MDH2: variants seen among roughly 807,000 people sequenced by gnomAD.
MDH2 encodes the protein malate dehydrogenase, mitochondrial.
MDH2 carries 25 observed loss-of-function variants against 33.6 expected under a neutral mutation model. The ratio of observed to expected loss-of-function variants is 0.74; its 90% confidence interval spans 0.54 to 1.04. MDH2 has a LOEUF of 1.04. MDH2 is among the 50% of genes least tolerant of loss of function. The probability of loss-of-function intolerance (pLI) is 0.00; values close to 1 mark genes in which losing one functional copy is unlikely to be tolerated. For missense variants in MDH2, 432 were observed against 445.0 expected, an observed-to-expected ratio of 0.97 and a Z score of 0.26; for synonymous variants, 193 against 188.7, an observed-to-expected ratio of 1.02 and a Z score of -0.19.
chr7:76,062,673 G>A (rs782306287), intron 5 of MDH2, among the ~76,000 whole-genome samples: 21 of 152,350 alleles, frequency 1.4e-4, no homozygotes, highest in Non-Finnish European at 2.1e-4. Flanking sequence ...CCAGCACTTT[G>A]GGAAGCCAAC....
intron 8 of MDH2, among the ~76,000 whole-genome samples, chr7:76,065,618 T>G (rs574680448): frequency 4.5e-4 from 68 of 151,978 alleles, no homozygotes; most frequent in African/African-American, 1.6e-3. Context: ...TCGGTGCAGG[T>G]GTATGGAATG....
chr7:76,049,602 G>C (rs1797538987), intron 1 of MDH2, among the ~76,000 whole-genome samples: 1 of 152,078 alleles, frequency 6.6e-6, no homozygotes, highest in African/African-American at 2.4e-5. Flanking sequence ...AGAGAGGACA[G>C]GGGTGTCCAG....
At chr7:76,051,353 C>T (rs1797621559) in intron 1 of MDH2, among the ~76,000 whole-genome samples, 1 of 142,768 alleles carries the variant, frequency 7.0e-6, no homozygotes, top group Non-Finnish European at 1.5e-5. Flanking sequence ...CGGAGTTCCG[C>T]TCTTGTTGCC....
intron 5 of MDH2, among the ~76,000 whole-genome samples, chr7:76,060,834 C>T (rs1797926654): frequency 6.6e-6 from 1 of 151,938 alleles, no homozygotes; most frequent in Admixed American, 6.6e-5. Context: ...TTTCTCCTTG[C>T]CCCTGAAAAC....
chr7:76,064,797 C>G lies in MDH2; in HGVS notation c.734-5C>G, dbSNP rs370375376. 1 of 1,613,200 alleles carries G rather than the reference C, an allele frequency of 6.2e-7. No homozygotes were observed. Among genetic ancestry groups the G allele is most frequent in the Non-Finnish European group, 8.5e-7 (1 of 1,179,758 alleles). On this transcript the variant is annotated splice_region_variant and splice_polypyrimidine_tract_variant and intron_variant, in intron 7 of 8. Transcript: ENST00000315758. ...AGCCAGGCTGACCTGTCTGTGCCCC[C>G]CTAGGCTCTGCCACCCTCTCCATGG...
At chr7:76,051,077 G>A (rs1307798699) in intron 1 of MDH2, among the ~76,000 whole-genome samples, 1 of 152,042 alleles carries the variant, frequency 6.6e-6, no homozygotes, top group East Asian at 1.9e-4. Flanking sequence ...TAGAGATGGG[G>A]TTTCGCCATG....
chr7:76,051,054 T>C (rs188902129), intron 1 of MDH2, among the ~76,000 whole-genome samples: 3 of 152,100 alleles, frequency 2.0e-5, no homozygotes, highest in East Asian at 3.9e-4. Flanking sequence ...CTAATTTTTT[T>C]TTGTATTTTC....
At chr7:76,050,592 C>T (rs917939231) in intron 1 of MDH2, among the ~76,000 whole-genome samples, 5 of 152,090 alleles carry the variant, frequency 3.3e-5, no homozygotes, top group African/African-American at 7.2e-5. Flanking sequence ...AGAAATGGGG[C>T]GGCCAGTTGA....
rs571781566 is a variant in MDH2, at chr7:76,059,140, C to T, written c.429+1062C>T. Among the ~76,000 whole-genome samples, 5 of 152,284 alleles carry T rather than the reference C, an allele frequency of 3.3e-5. No individual in the cohort carries two copies. In the East Asian group the frequency reaches 5.8e-4, roughly 18 times the overall value. On this transcript the variant is annotated intron_variant, in intron 4 of 8. Coordinates refer to ENST00000315758, the MANE Select transcript of MDH2 (RefSeq NM_005918.4). Reference sequence around the variant, plus strand: ...TGTACTTTTAGTAGAGACAGGATTTCGCCATGTTGGTGAGGCTGGTCTCAA... The same window carrying T: ...TGTACTTTTAGTAGAGACAGGATTTTGCCATGTTGGTGAGGCTGGTCTCAA...
intron 1 of MDH2, chr7:76,048,601 T>A: frequency 5.4e-6 from 7 of 1,298,664 alleles, no homozygotes; most frequent in Non-Finnish European, 6.8e-6. Context: ...ACGTAGCTAA[T>A]CTCCTTGCAG....
chr7:76,050,590 G>T (rs1237000618), intron 1 of MDH2, among the ~76,000 whole-genome samples: 1 of 152,176 alleles, frequency 6.6e-6, no homozygotes. Context: ...TCAGAAATGG[G>T]GCGGCCAGTT....
At chr7:76,065,016 C>T (rs1219425362) in intron 8 of MDH2, 63 bp downstream of exon 8, 3 of 1,543,672 alleles carry the variant, frequency 1.9e-6, no homozygotes, top group Non-Finnish European at 2.6e-6. Context: ...TTGCTTAAGC[C>T]TCAGGAGCTC....
chr7:76,058,230 G>T (rs1290886511), intron 4 of MDH2, 152 bp downstream of exon 4: 12 of 682,898 alleles, frequency 1.8e-5, no homozygotes, highest in Non-Finnish European at 3.0e-5. Context: ...GAGGTCGGGT[G>T]CACTAAGCAG....
chr7:76,063,990 C>T (rs1554587380), intron 6 of MDH2, among the ~76,000 whole-genome samples: 2 of 152,068 alleles, frequency 1.3e-5, no homozygotes, highest in East Asian at 3.9e-4. Flanking sequence ...AGCTATGATG[C>T]ACCACTGAAG....
chr7:76,058,182 G>A (rs1322363006), intron 4 of MDH2, 104 bp downstream of exon 4: 2 of 1,041,122 alleles, frequency 1.9e-6, no homozygotes, highest in African/African-American at 1.6e-5. Flanking sequence ...ATGTGCTGGG[G>A]GGATGGGGGG....
In MDH2 at chr7:76,057,970, C is replaced by A; in HGVS notation, c.321C>A (p.Gly107=). ...CATCTCATATTGGATCATTTCCAGG[C>A]ATGACCCGGGACGACCTGTTCAACA... The part of the protein sequence containing the change: ...VIPAGVPRKP[G]MTRDDLFNTN... The change falls in exon 4 of 9, where the codon GGC becomes GGA. Residue 107 remains glycine, a splice_region_variant and synonymous_variant. Coordinates refer to ENST00000315758, the MANE Select transcript of MDH2 (RefSeq NM_005918.4). 6.2e-7 allele frequency: 1 copy of A among 1,613,728 alleles called. No individual in the cohort carries two copies. The highest frequency in any genetic ancestry group is 8.5e-7 in the Non-Finnish European group (1 of 1,179,732).
At chr7:76,061,756 C>T (rs1485839507) in intron 5 of MDH2, among the ~76,000 whole-genome samples, 2 of 152,182 alleles carry the variant, frequency 1.3e-5, no homozygotes, top group Admixed American at 1.3e-4. Context: ...CCACCTCCCA[C>T]CTCCAGAGGC....
intron 5 of MDH2, among the ~76,000 whole-genome samples, chr7:76,063,179 G>C (rs1232719856): frequency 6.6e-6 from 1 of 152,180 alleles, no homozygotes; most frequent in Non-Finnish European, 1.5e-5. Flanking sequence ...CTGGGAAAGA[G>C]GATGCCAGGC....
chr7:76,056,791 T>C (rs1797799128), intron 2 of MDH2, among the ~76,000 whole-genome samples: 1 of 152,144 alleles, frequency 6.6e-6, no homozygotes, highest in South Asian at 2.1e-4. Context: ...GGTGGGTGGA[T>C]CACTTGAGTT....
Sources: gnomAD v4.1 joint callset for allele counts (sites outside exome capture counted in the v4.1 genomes callset) on GRCh38, gnomAD v4.1.1 for gene constraint, MANE v1.5 for transcripts, NCBI Gene and HGNC (gene_info 2026-07-23, HGNC 2026-07-21) for gene names.